Variants in CC2D2B observed in about 807,000 individuals in gnomAD.
CC2D2B encodes the protein coiled-coil and C2 domain containing 2B.
A neutral mutation model predicts 161.2 loss-of-function variants in CC2D2B; 128 were observed. That is an observed-to-expected ratio of 0.79 (90% confidence interval 0.69 to 0.92). CC2D2B has a LOEUF of 0.92. CC2D2B is among the 40% of genes least tolerant of loss of function. The pLI, the probability that CC2D2B is intolerant of heterozygous loss-of-function variation, is 0.00. For missense variants in CC2D2B, 1,173 were observed against 1,375.1 expected, an observed-to-expected ratio of 0.85 and a Z score of 2.32; for synonymous variants, 391 against 449.8, an observed-to-expected ratio of 0.87 and a Z score of 1.65.
At chr10:95,912,824 TA>T (rs1483620879) in intron 2 of CC2D2B, among the ~76,000 whole-genome samples, 12 of 152,148 alleles carry the variant, frequency 7.9e-5, no homozygotes, top group Non-Finnish European at 1.5e-5. Context: ...TGGAAATTTT[TA>T]ATTTTTATGG....
At chr10:95,912,456 A>G (rs1241513984) in intron 2 of CC2D2B, among the ~76,000 whole-genome samples, 4 of 152,158 alleles carry the variant, frequency 2.6e-5, no homozygotes, top group Admixed American at 2.0e-4. Context: ...TTGGGAATCC[A>G]TGGGAATATG....
At position 96,026,084 on chromosome 10, in the gene CC2D2B, G is replaced by A. The variant is rs150598232; in HGVS notation, c.3948-1128G>A. Among the ~76,000 whole-genome samples, 299 of 152,260 alleles carry A rather than the reference G, an allele frequency of 2.0e-3. 1 individual carries two copies. Among genetic ancestry groups the A allele is most frequent in the African/African-American group, 6.9e-3 (285 of 41,538 alleles). On this transcript the variant is annotated intron_variant, in intron 33 of 34. Coordinates refer to ENST00000646931, the MANE Select transcript of CC2D2B (RefSeq NM_001349008.3). ...TCTGGAGGTGAAACATTTTGATAAGGCGCTACAGGTGATTCTGATGCATAG... is the reference window on the plus strand; with the variant it reads ...TCTGGAGGTGAAACATTTTGATAAGACGCTACAGGTGATTCTGATGCATAG...
intron 14 of CC2D2B, among the ~76,000 whole-genome samples, chr10:95,966,706 T>C (rs2076952631): frequency 6.6e-6 from 1 of 152,106 alleles, no homozygotes; most frequent in South Asian, 2.1e-4. Context: ...CTGTAAAAAG[T>C]AATATACCAT....
At chr10:95,992,156 A>G (rs565821511) in intron 21 of CC2D2B, among the ~76,000 whole-genome samples, 1 of 152,354 alleles carries the variant, frequency 6.6e-6, no homozygotes, top group African/African-American at 2.4e-5. Flanking sequence ...AACTAATTCT[A>G]GTTTCAGAGC....
At chr10:95,983,421 T>C (rs897906558) in intron 18 of CC2D2B, among the ~76,000 whole-genome samples, 185 bp from the exon 19 acceptor site, 23 of 150,418 alleles carry the variant, frequency 1.5e-4, no homozygotes, top group Admixed American at 1.4e-3. Flanking sequence ...TGGGAAAAGG[T>C]TGGAAAGCCA....
chr10:95,923,362 A>G (rs1195228408), intron 3 of CC2D2B, among the ~76,000 whole-genome samples: 1 of 152,220 alleles, frequency 6.6e-6, no homozygotes, highest in Non-Finnish European at 1.5e-5. Flanking sequence ...CTGAGATTGC[A>G]GGCATAAGCC....
chr10:96,024,206 T>G (rs1004052102), intron 32 of CC2D2B, among the ~76,000 whole-genome samples: 2 of 152,014 alleles, frequency 1.3e-5, no homozygotes, highest in Non-Finnish European at 2.9e-5. Context: ...GGCAAAGGCT[T>G]GGAGACAGGG....
rs2076540290 is a variant in CC2D2B, at chr10:95,955,469, C to G, written c.1087C>G (p.Gln363Glu). ...EINQLTRKSL[Q>E]DYYWQISNTK... ...TAACCAGCTGACCAGAAAATCTTTA[C>G]AAGATTATTATTGGCAAATAAGGTA... The change falls in exon 11 of 35, where the codon CAA becomes GAA. Residue 363 changes from glutamine to glutamate, a missense_variant. This residue lies in a region of CC2D2B where 298 missense variants were observed against 261.2 expected (regional missense o/e 1.14). Transcript: ENST00000646931. The G allele has an allele frequency of 1.0e-5, 4 of 397,998 alleles. No individual in the cohort carries two copies. The highest frequency in any genetic ancestry group is 1.8e-5 in the Non-Finnish European group (4 of 225,512). 24.7% of individuals were successfully genotyped at this position (397,998 alleles called of 1,614,324 possible).
At chr10:95,950,734 T>C (rs1370009758) in intron 10 of CC2D2B, among the ~76,000 whole-genome samples, 3 of 152,220 alleles carry the variant, frequency 2.0e-5, no homozygotes, top group Admixed American at 6.5e-5. Flanking sequence ...TCAATCCTGA[T>C]GGAGCCACAA....
chr10:95,967,883 G>C (rs2076996061), intron 14 of CC2D2B, among the ~76,000 whole-genome samples: 1 of 152,122 alleles, frequency 6.6e-6, no homozygotes, highest in Non-Finnish European at 1.5e-5. Flanking sequence ...ATTAGATTGG[G>C]GAGCAGAAGG....
intron 9 of CC2D2B, among the ~76,000 whole-genome samples, chr10:95,947,082 A>ATATATATATATAT (rs2076223662): frequency 2.5e-5 from 1 of 39,500 alleles, no homozygotes; most frequent in Non-Finnish European, 5.3e-5. Context: ...TGGACTCAAA[A>ATATATATATATAT]ATATATATAT....
intron 16 of CC2D2B, among the ~76,000 whole-genome samples, chr10:95,972,953 G>T (rs1300051954): frequency 1.3e-5 from 2 of 152,056 alleles, no homozygotes; most frequent in Non-Finnish European, 2.9e-5. Flanking sequence ...AAGAAGGGAT[G>T]TTTCTGTTAG....
At chr10:96,007,326 C>T (rs187103959) in intron 25 of CC2D2B, among the ~76,000 whole-genome samples, 1 of 152,284 alleles carries the variant, frequency 6.6e-6, no homozygotes, top group Admixed American at 6.5e-5. Context: ...TGGCCTCCAG[C>T]TCCATCCATG....
chr10:96,003,586 TTGTGTGTGTGTGTG>T lies in CC2D2B; in HGVS notation c.2850-536_2850-523del, dbSNP rs68085058. Among the ~76,000 whole-genome samples, 15 of 127,736 alleles carry T rather than the reference TTGTGTGTGTGTGTG, an allele frequency of 1.2e-4. No individual in the cohort carries two copies. The South Asian group carries it at 1.9e-3, about 16-fold the overall frequency. 83.8% of individuals were successfully genotyped at this position (127,736 alleles called of 152,430 possible). A position where few individuals can be genotyped will look rare whatever the true frequency, so the allele number is the denominator to read the frequency against. Reference sequence around the variant, plus strand: ...ACCGCCTGCCACCAGGCCCGGCTAATTGTGTGTGTGTGTGTGTGTGTGTGTGTGTGTGTGTGTGT... The same window carrying T: ...ACCGCCTGCCACCAGGCCCGGCTAATTGTGTGTGTGTGTGTGTGTGTGTGT... On this transcript the variant is annotated intron_variant, in intron 24 of 34. Coordinates refer to ENST00000646931, the MANE Select transcript of CC2D2B (RefSeq NM_001349008.3).
chr10:95,940,420 T>G (rs926845829), intron 9 of CC2D2B, among the ~76,000 whole-genome samples: 1 of 152,332 alleles, frequency 6.6e-6, no homozygotes, highest in African/African-American at 2.4e-5. Flanking sequence ...ACCATTTTCT[T>G]TTTCTTTAGG....
intron 19 of CC2D2B, among the ~76,000 whole-genome samples, chr10:95,984,226 G>T (rs1442666134): frequency 6.6e-6 from 1 of 152,118 alleles, no homozygotes; most frequent in Non-Finnish European, 1.5e-5. Flanking sequence ...AACAAAAGCT[G>T]GGATGCACAA....
chr10:95,993,828 AAG>A (rs1378460009), intron 22 of CC2D2B, among the ~76,000 whole-genome samples: 1 of 126,002 alleles, frequency 7.9e-6, no homozygotes, highest in African/African-American at 3.0e-5. Flanking sequence ...TGTATATATA[AAG>A]AGTGTATATA....
Position 96,009,901 on chromosome 10 carries a change from C to G in CC2D2B, c.3023C>G (p.Ser1008Cys), listed in dbSNP as rs1312929086. ...NWLGCIVFPF[S>C]ALLQQSEISG... ...CTTGGATGCATTGTCTTCCCTTTTTCTGCTCTTCTGCAACAATCTGAGGTA... is the reference window on the plus strand; with the variant it reads ...CTTGGATGCATTGTCTTCCCTTTTTGTGCTCTTCTGCAACAATCTGAGGTA... Residue 1008 changes from serine to cysteine, a missense_variant, in exon 26 of 35, where the codon TCT (serine) becomes TGT (cysteine). By Grantham distance (112) the Ser-to-Cys change is moderately radical (BLOSUM62 -1). Around this residue, in one of 3 missense-constraint regions of CC2D2B, gnomAD observed 598 missense variants for 693.2 expected, o/e 0.86. Transcript: ENST00000646931. 6.2e-6 allele frequency: 10 copies of G among 1,606,822 alleles called. No individual in the cohort carries two copies. Among genetic ancestry groups the G allele is most frequent in the Non-Finnish European group, 8.5e-6 (10 of 1,174,520 alleles).
chr10:95,991,077 C>T (rs1272622502), intron 20 of CC2D2B, among the ~76,000 whole-genome samples: 1 of 152,000 alleles, frequency 6.6e-6, no homozygotes, highest in Non-Finnish European at 1.5e-5. Context: ...TGGCCACATA[C>T]ACTGTGAGTT....
Sources: gnomAD v4.1 joint callset for allele counts (sites outside exome capture counted in the v4.1 genomes callset) on GRCh38, gnomAD v4.1.1 for gene constraint, gnomAD v4.1.1 regional missense constraint, MANE v1.5 for transcripts, NCBI Gene and HGNC (gene_info 2026-07-23, HGNC 2026-07-21) for gene names.